Variants in VIPAS39 observed in about 807,000 individuals in gnomAD.
VIPAS39 encodes VPS33B interacting protein, apical-basolateral polarity regulator, spe-39 homolog, also known as spermatogenesis-defective protein 39 homolog.
In VIPAS39, 63 loss-of-function variants were observed where a neutral mutation model predicts 84.7. That is an observed-to-expected ratio of 0.74 (90% confidence interval 0.61 to 0.92). The LOEUF (loss-of-function observed/expected upper bound fraction) is 0.92, where lower values mean the gene tolerates loss of function less well. VIPAS39 is among the 40% of genes least tolerant of loss of function. The pLI is 0.00. For missense variants in VIPAS39, 499 were observed against 604.5 expected, an observed-to-expected ratio of 0.83 and a Z score of 1.83; for synonymous variants, 192 against 216.5, an observed-to-expected ratio of 0.89 and a Z score of 0.99.
chr14:77,438,075 C>A (rs1006808758), intron 11 of VIPAS39, among the ~76,000 whole-genome samples, 194 bp from the exon 12 acceptor site: 5 of 151,976 alleles, frequency 3.3e-5, no homozygotes, highest in East Asian at 1.9e-4. Flanking sequence ...CTGCACTGTA[C>A]GATACAATAG....
At chr14:77,428,076 G>A (rs1392516323) in intron 19 of VIPAS39, among the ~76,000 whole-genome samples, 3 of 152,024 alleles carry the variant, frequency 2.0e-5, no homozygotes, top group Non-Finnish European at 2.9e-5. Context: ...TCTGTAACAT[G>A]TTTTCATACT....
chr14:77,442,744 C>T (rs1340699117), intron 9 of VIPAS39, 82 bp from the exon 10 acceptor site: 1 of 1,223,148 alleles, frequency 8.2e-7, no homozygotes, highest in South Asian at 1.2e-5. Flanking sequence ...CTCACACATT[C>T]CAAATATTAT....
chr14:77,443,280 G>A lies in VIPAS39; in HGVS notation c.598-128C>T, dbSNP rs914927394. On this transcript the variant is annotated intron_variant, in intron 8 of 19. Coordinates refer to ENST00000557658, the MANE Select transcript of VIPAS39 (RefSeq NM_001193315.2). ...TATAGCCAACAGCTCTGTATGTGAT[G>A]CAAGGAAAGCCAATGGCTATCTGGA... The A allele has an allele frequency of 2.2e-5, 25 of 1,111,242 alleles. No individual in the cohort carries two copies. In the African/African-American group the frequency reaches 3.0e-4, roughly 13 times the overall value. The allele number at this position is 1,111,242 out of a possible 1,614,324, so 68.8% of individuals were successfully genotyped here.
At chr14:77,447,261 G>C (rs1307243107) in intron 7 of VIPAS39, among the ~76,000 whole-genome samples, 1 of 151,710 alleles carries the variant, frequency 6.6e-6, no homozygotes. Flanking sequence ...CCAACCTCAG[G>C]TGATCTGCCT....
intron 8 of VIPAS39, among the ~76,000 whole-genome samples, chr14:77,443,456 G>A (rs989646314): frequency 3.9e-5 from 6 of 152,062 alleles, no homozygotes; most frequent in African/African-American, 1.2e-4. Context: ...TACAATCAAC[G>A]GTTTCACATA....
At chr14:77,453,438 T>A in intron 2 of VIPAS39, 37 bp from the exon 3 acceptor site, 1 of 1,587,216 alleles carries the variant, frequency 6.3e-7, no homozygotes. Context: ...CTCAGGCAAA[T>A]CATCATTTCC....
At chr14:77,442,193 C>T (rs1333297908) in intron 10 of VIPAS39, among the ~76,000 whole-genome samples, 1 of 152,204 alleles carries the variant, frequency 6.6e-6, no homozygotes, top group East Asian at 1.9e-4. Flanking sequence ...ATGCTAAGTG[C>T]TGGCTCACAT....
At chr14:77,454,521 A>G (rs1207497991) in intron 1 of VIPAS39, among the ~76,000 whole-genome samples, 1 of 152,032 alleles carries the variant, frequency 6.6e-6, no homozygotes, top group East Asian at 1.9e-4. Flanking sequence ...CTAAAAATAC[A>G]AAATTAGCCG....
At chr14:77,435,033 C>T (rs1346648886) in intron 14 of VIPAS39, 2 of 593,144 alleles carry the variant, frequency 3.4e-6, no homozygotes, top group Admixed American at 2.9e-5. Flanking sequence ...ACAGAACTTG[C>T]TATGCTAGCA....
intron 12 of VIPAS39, among the ~76,000 whole-genome samples, chr14:77,436,137 A>G (rs548235820): frequency 1.1e-3 from 172 of 152,350 alleles, no homozygotes; most frequent in African/African-American, 3.8e-3. Flanking sequence ...GAGAGTCCAC[A>G]AAATACTTAT....
rs140978237 is a variant in VIPAS39 at position 77,448,535 on chromosome 14, A to G, written c.463T>C (p.Trp155Arg). 33 of 1,614,034 alleles carry G rather than the reference A, an allele frequency of 2.0e-5. No homozygotes were observed. The highest frequency in any genetic ancestry group is 2.8e-5 in the Non-Finnish European group (33 of 1,180,016). The part of the protein sequence containing the change: ...KGEYRDYSND[W>R]SPSDTVRRLR... Reference sequence around the variant, plus strand: ...CGTCGCACTGTATCACTGGGGCTCCAGTCATTGCTGTAATCCTGGAATATT... The same window carrying G: ...CGTCGCACTGTATCACTGGGGCTCCGGTCATTGCTGTAATCCTGGAATATT... The change falls in exon 7 of 20, where the codon TGG becomes CGG. Residue 155 changes from tryptophan (W) to arginine (R), a missense_variant. By Grantham distance (101) the Trp-to-Arg change is moderately radical. Coordinates refer to ENST00000557658, the MANE Select transcript of VIPAS39 (RefSeq NM_001193315.2).
At chr14:77,444,890 G>T (rs1259152561) in intron 7 of VIPAS39, among the ~76,000 whole-genome samples, 2 of 149,544 alleles carry the variant, frequency 1.3e-5, no homozygotes, top group Non-Finnish European at 3.0e-5. Context: ...CCAATCACTT[G>T]TTCTTTTTTA....
chr14:77,435,831 T>C lies in VIPAS39; in HGVS notation c.912+13A>G. 6.2e-7 allele frequency: 1 copy of C among 1,613,882 alleles called. No homozygotes were observed. The highest frequency in any genetic ancestry group is 8.5e-7 in the Non-Finnish European group (1 of 1,179,786). ...GGCACTGAAGCAAAAGATATAGAGA[T>C]GAAGAGTCTAACCTCAATAATGATC... On this transcript the variant is annotated intron_variant, in intron 13 of 19. Coordinates refer to ENST00000557658, the MANE Select transcript of VIPAS39 (RefSeq NM_001193315.2).
chr14:77,451,202 T>C lies in VIPAS39; in HGVS notation c.328A>G (p.Ser110Gly). ...CTCTCTTTACCTCTAAAAAAGCTGC[T>C]CAGGGAGTAGGTAGAAGTAGGCTTG... is the stretch of plus-strand genomic sequence containing the variant. ...LPKPTSTYSL[S>G]SFFRGRTRPG... Residue 110 changes from serine (S) to glycine (G), a missense_variant, in exon 4 of 20, where the codon AGC becomes GGC. By Grantham distance (56) the Ser-to-Gly change is moderately conservative. Transcript: ENST00000557658. 6.2e-7 allele frequency: 1 copy of C among 1,614,224 alleles called. No homozygotes were observed. The highest frequency in any genetic ancestry group is 1.1e-5 in the South Asian group (1 of 91,082).
At chr14:77,435,644 C>T (rs1376782193) in intron 13 of VIPAS39, among the ~76,000 whole-genome samples, 200 bp downstream of exon 13, 1 of 152,088 alleles carries the variant, frequency 6.6e-6, no homozygotes, top group Non-Finnish European at 1.5e-5. Context: ...AGAAGAAATA[C>T]TTCCAGGTTA....
At chr14:77,440,422 T>C (rs776822330) in intron 11 of VIPAS39, 2 of 154,720 alleles carry the variant, frequency 1.3e-5, no homozygotes, top group Non-Finnish European at 2.9e-5. Flanking sequence ...GACCTATATC[T>C]GGTTTCTTAT....
At position 77,437,894 on chromosome 14, in the gene VIPAS39, GA is replaced by G; in HGVS notation, c.763-14del. ...GATAATGAGATAGCTACAAAAAGCA[GA>G]AAAAGGCTTTGAGGTATTTTGTCTC... On this transcript the variant is annotated splice_polypyrimidine_tract_variant and intron_variant, in intron 11 of 19. Coordinates refer to ENST00000557658, the MANE Select transcript of VIPAS39 (RefSeq NM_001193315.2). 6.2e-7 allele frequency: 1 copy of G among 1,613,888 alleles called. No individual in the cohort carries two copies. Among genetic ancestry groups the G allele is most frequent in the Non-Finnish European group, 8.5e-7 (1 of 1,179,836 alleles).
chr14:77,435,872 G>A lies in VIPAS39; in HGVS notation c.884C>T (p.Thr295Met), dbSNP rs371894407. Residue 295 changes from threonine to methionine, a missense_variant, in exon 13 of 20, where the codon ACG (threonine) becomes ATG (methionine). Coordinates refer to ENST00000557658, the MANE Select transcript of VIPAS39 (RefSeq NM_001193315.2). ...AATAATGATCTGACGTTCCAGGAGC[G>A]TGTAATGGTCCTGTATGTGTGCGGA... is the stretch of plus-strand genomic sequence containing the variant. ...EDSAHIQDHY[T>M]LLERQIIIEA... 63 of 1,614,024 alleles carry A rather than the reference G, an allele frequency of 3.9e-5. No homozygotes were observed. The highest frequency in any genetic ancestry group is 5.0e-5 in the Non-Finnish European group (59 of 1,180,026).
intron 7 of VIPAS39, among the ~76,000 whole-genome samples, chr14:77,447,876 G>A (rs1164834593): frequency 2.6e-5 from 4 of 151,396 alleles, no homozygotes; most frequent in Admixed American, 1.3e-4. Flanking sequence ...TGGCCAGGCT[G>A]GTCTAGAACT....
Sources: allele counts gnomAD v4.1 joint callset (sites outside exome capture counted in the v4.1 genomes callset), GRCh38; gene constraint gnomAD v4.1.1; transcripts MANE v1.5; gene names NCBI Gene and HGNC (gene_info 2026-07-23, HGNC 2026-07-21).